The following GATA4 variants were observed in gnomAD, a reference collection of about 807,000 sequenced individuals.
GATA4 encodes the protein GATA binding protein 4.
GATA4 carries 7 observed loss-of-function variants against 37.9 expected under a neutral mutation model. That is an observed-to-expected ratio of 0.18 (90% CI 0.11 to 0.35). The LOEUF (loss-of-function observed/expected upper bound fraction) is 0.35, where lower values mean the gene tolerates loss of function less well. Among genes scored for constraint, GATA4 ranks in the 10% least tolerant of loss-of-function variants. GATA4 has a pLI of 1.00. For missense variants in GATA4, 647 were observed against 653.0 expected (o/e 0.99, Z 0.10); for synonymous variants, 372 against 292.6 (o/e 1.27, Z -2.77).
chr8:11,711,417 C>G (rs752980749), intron 2 of GATA4, among the ~76,000 whole-genome samples: 3 of 152,208 alleles, frequency 2.0e-5, no homozygotes, highest in African/African-American at 7.2e-5. Flanking sequence ...GCATGTTGAA[C>G]TTGTTGGCAT....
rs1413529125 is a variant in GATA4 at position 11,758,424 on chromosome 8, T to C, written c.1281T>C (p.Ser427=). Residue 427 remains serine (S), a synonymous_variant, in exon 7 of 7, where the codon TCT becomes TCC. Coordinates refer to ENST00000532059, the MANE Select transcript of GATA4 (RefSeq NM_001308093.3). The part of the protein sequence containing the change: ...QSPQTSSKQD[S]WNSLVLADSH... ...CACAGACCAGCTCCAAGCAGGACTCTTGGAACAGCCTGGTCTTGGCCGACA... is the reference window on the plus strand; with the variant it reads ...CACAGACCAGCTCCAAGCAGGACTCCTGGAACAGCCTGGTCTTGGCCGACA... 1.9e-6 allele frequency: 3 copies of C among 1,614,200 alleles called. No individual in the cohort carries two copies. The highest frequency in any genetic ancestry group is 2.2e-5 in the South Asian group (2 of 91,078).
chr8:11,679,946 T>C (rs1192027393), intron 1 of GATA4, among the ~76,000 whole-genome samples: 1 of 152,224 alleles, frequency 6.6e-6, no homozygotes, highest in Non-Finnish European at 1.5e-5. Flanking sequence ...AAACTCTTTT[T>C]GCACTGGGGT....
At chr8:11,758,210 A>T in intron 6 of GATA4, 83 bp from the exon 7 acceptor site, 1 of 1,397,878 alleles carries the variant, frequency 7.2e-7, no homozygotes. Flanking sequence ...ACATCTGCAT[A>T]GCAGGGCACC....
intron 2 of GATA4, among the ~76,000 whole-genome samples, chr8:11,738,575 T>C (rs1801572979): frequency 6.6e-6 from 1 of 152,262 alleles, no homozygotes; most frequent in African/African-American, 2.4e-5. Flanking sequence ...AGTCCTCTGC[T>C]ATGGAAGGAC....
At chr8:11,705,006 C>A (rs1301799551) in intron 1 of GATA4, among the ~76,000 whole-genome samples, 1 of 152,374 alleles carries the variant, frequency 6.6e-6, no homozygotes, top group South Asian at 2.1e-4. Context: ...GGCCACGGGG[C>A]TGCCCGGATC....
At chr8:11,681,245 CTCG>C (rs1798961432) in intron 1 of GATA4, 1 of 985,314 alleles carries the variant, frequency 1.0e-6, no homozygotes, top group South Asian at 4.7e-5. Context: ...GGACTTACAG[CTCG>C]TCTGGGAGCG....
At chr8:11,732,329 G>A (rs888491111) in intron 2 of GATA4, among the ~76,000 whole-genome samples, 4 of 152,180 alleles carry the variant, frequency 2.6e-5, no homozygotes, top group African/African-American at 9.7e-5. Flanking sequence ...CTATTCTCCA[G>A]GGGCACTGAT....
intron 2 of GATA4, among the ~76,000 whole-genome samples, chr8:11,724,994 G>A (rs1396916535): frequency 1.3e-5 from 2 of 152,258 alleles, no homozygotes; most frequent in Admixed American, 6.5e-5. Flanking sequence ...CAGTGTACAC[G>A]GGCTGGGGGT....
Position 11,682,783 on chromosome 8 carries a change from TTGTGCAAAAA to T in GATA4, c.-274+5721_-274+5730del, listed in dbSNP as rs1341404858. On this transcript the variant is annotated intron_variant, in intron 1 of 6. Coordinates refer to the GATA4 transcript ENST00000528712. ...ACTGGTCAGACGTAGTAGTCCCCGT[TTGTGCAAAAA>T]CACCTCTTGGCCGTGGCGATGTGGG... Among the ~76,000 whole-genome samples, 13 of 152,340 alleles carry T rather than the reference TTGTGCAAAAA, an allele frequency of 8.5e-5. No individual in the cohort carries two copies. The South Asian group carries it at 2.7e-3, about 32-fold the overall frequency.
chr8:11,726,204 G>A (rs1800916046), intron 2 of GATA4, among the ~76,000 whole-genome samples: 1 of 152,208 alleles, frequency 6.6e-6, no homozygotes, highest in Non-Finnish European at 1.5e-5. Flanking sequence ...AGGCTCTGCT[G>A]AGACATCTTC....
chr8:11,755,750 C>G (rs1254011460), intron 5 of GATA4, among the ~76,000 whole-genome samples: 2 of 151,858 alleles, frequency 1.3e-5, no homozygotes, highest in Non-Finnish European at 2.9e-5. Context: ...AATTAAAACC[C>G]AAGTTTTTCT....
chr8:11,714,682 A>G (rs1433669251), intron 2 of GATA4, among the ~76,000 whole-genome samples: 2 of 152,220 alleles, frequency 1.3e-5, no homozygotes, highest in Admixed American at 6.5e-5. Context: ...TGTCCCATCA[A>G]AAGGTCAGGC....
chr8:11,686,840 A>G (rs2129956088), intron 1 of GATA4, among the ~76,000 whole-genome samples: 1 of 152,236 alleles, frequency 6.6e-6, no homozygotes, highest in South Asian at 2.1e-4. Context: ...TCTACTAAAA[A>G]TACAAAAATT....
intron 1 of GATA4, among the ~76,000 whole-genome samples, chr8:11,686,705 A>G (rs1299499145): frequency 2.0e-5 from 3 of 152,148 alleles, no homozygotes; most frequent in East Asian, 1.9e-4. Context: ...ATTCTCTACA[A>G]ACAAAATCCT....
intron 2 of GATA4, among the ~76,000 whole-genome samples, chr8:11,725,097 A>T (rs1800853414): frequency 6.6e-6 from 1 of 152,136 alleles, no homozygotes; most frequent in Non-Finnish European, 1.5e-5. Context: ...TCATGGAAGG[A>T]GTCACGCTCT....
chr8:11,744,041 A>G (rs1801901945), intron 2 of GATA4, among the ~76,000 whole-genome samples: 1 of 152,218 alleles, frequency 6.6e-6, no homozygotes, highest in Non-Finnish European at 1.5e-5. Flanking sequence ...GTACAAGTGA[A>G]CGCGGTCAGC....
chr8:11,678,046 AATAATAATAAT>A (rs1185792411), intron 1 of GATA4, among the ~76,000 whole-genome samples: 44 of 140,760 alleles, frequency 3.1e-4, no homozygotes, highest in Admixed American at 1.4e-3. Flanking sequence ...TAATAATAAT[AATAATAATAAT>A]AAATAGGAGT....
chr8:11,692,614 C>G, upstream of GATA4: 1 of 985,362 alleles, frequency 1.0e-6, no homozygotes, highest in Non-Finnish European at 1.2e-6. Context: ...CGGGAACCGG[C>G]TTCTGGGGAC....
chr8:11,693,560 C>CAGAGAGAG (rs1285850308), intron 1 of GATA4, among the ~76,000 whole-genome samples: 53 of 68,912 alleles, frequency 7.7e-4, no homozygotes, highest in African/African-American at 1.9e-3. Flanking sequence ...CACACACACA[C>CAGAGAGAG]ACAGAGAGAG....
Sources: allele counts gnomAD v4.1 joint callset (sites outside exome capture counted in the v4.1 genomes callset), GRCh38; gene constraint gnomAD v4.1.1; transcripts MANE v1.5; gene names NCBI Gene and HGNC (gene_info 2026-07-23, HGNC 2026-07-21).